CHMP1A: variants seen among roughly 807,000 people sequenced by gnomAD.
The protein encoded by CHMP1A is charged multivesicular body protein 1A.
CHMP1A carries 17 observed loss-of-function variants against 27.0 expected under a neutral mutation model. The ratio of observed to expected loss-of-function variants is 0.63; its 90% CI spans 0.43 to 0.95. CHMP1A has a LOEUF of 0.95. Among genes scored for constraint, CHMP1A ranks in the 40% least tolerant of loss-of-function variants. CHMP1A has a pLI of 0.00. For missense variants in CHMP1A, 275 were observed against 264.0 expected, an observed-to-expected ratio of 1.04 and a Z score of -0.29; for synonymous variants, 131 against 107.5, an observed-to-expected ratio of 1.22 and a Z score of -1.35.
At chr16:89,651,254 G>A (rs1377507736) in intron 3 of CHMP1A, among the ~76,000 whole-genome samples, 1 of 151,934 alleles carries the variant, frequency 6.6e-6, no homozygotes, top group Non-Finnish European at 1.5e-5. Context: ...GCCTGTAATC[G>A]CAGCTACGTG....
intron 6 of CHMP1A, 68 bp from the exon 7 acceptor site, chr16:89,646,155 G>A: frequency 7.0e-7 from 1 of 1,419,812 alleles, no homozygotes; most frequent in Non-Finnish European, 9.5e-7. Flanking sequence ...CGTGCTCCCA[G>A]CACAGGTGAC....
intron 6 of CHMP1A, among the ~76,000 whole-genome samples, 161 bp from the exon 7 acceptor site, chr16:89,646,248 G>A (rs1327998206): frequency 6.6e-6 from 1 of 152,218 alleles, no homozygotes; most frequent in Non-Finnish European, 1.5e-5. Flanking sequence ...TACCTGATCT[G>A]TTAGGAAGGG....
At chr16:89,651,521 A>C in intron 3 of CHMP1A, 48 bp downstream of exon 3, 1 of 1,579,066 alleles carries the variant, frequency 6.3e-7, no homozygotes, top group African/African-American at 1.3e-5. Flanking sequence ...AGAAAAGGAC[A>C]GAAGACAAAC....
At chr16:89,649,633 T>C in intron 3 of CHMP1A, 136 bp from the exon 4 acceptor site, 2 of 1,020,324 alleles carry the variant, frequency 2.0e-6, no homozygotes, top group Admixed American at 2.4e-5. Flanking sequence ...TGGAGTGCAG[T>C]GGCACGATCT....
At position 89,657,675 on chromosome 16, in the gene CHMP1A, C is replaced by T. The variant is rs1003731873; in HGVS notation, c.-87G>A. ...AGGTCCCGGCGGCGATCGAACCGAC[C>T]AAGCTGCACCCGGCGGGGACTTCCG... On this transcript the variant is annotated 5_prime_UTR_variant, in exon 1 of 7. Coordinates refer to ENST00000397901, the MANE Select transcript of CHMP1A (RefSeq NM_002768.5). The T allele has an allele frequency of 5.8e-6, 9 of 1,560,696 alleles. No homozygotes were observed. The highest frequency in any genetic ancestry group is 2.3e-5 in the East Asian group (1 of 42,996).
chr16:89,647,408 A>C, intron 4 of CHMP1A, 77 bp from the exon 5 acceptor site: 1 of 1,420,086 alleles, frequency 7.0e-7, no homozygotes, highest in Non-Finnish European at 9.6e-7. Flanking sequence ...GGTCCCCTGG[A>C]CTCTGACAGG....
At chr16:89,649,624 G>A (rs556800236) in intron 3 of CHMP1A, 127 bp from the exon 4 acceptor site, 25 of 1,097,822 alleles carry the variant, frequency 2.3e-5, no homozygotes, top group Admixed American at 1.2e-4. Context: ...TGCCCAGGCT[G>A]GAGTGCAGTG....
intron 2 of CHMP1A, among the ~76,000 whole-genome samples, chr16:89,653,338 G>A (rs2059839529): frequency 7.0e-6 from 1 of 142,602 alleles, no homozygotes; most frequent in South Asian, 2.5e-4. Context: ...ATAACACTCC[G>A]GGCCAGGCAC....
intron 5 of CHMP1A, 23 bp downstream of exon 5, chr16:89,647,180 C>T (rs746074348): frequency 1.0e-5 from 16 of 1,605,868 alleles, no homozygotes; most frequent in East Asian, 2.2e-5. Context: ...CAGGCCACAG[C>T]CCCAAGGGTA....
At chr16:89,654,190 C>T (rs1399414347) in intron 1 of CHMP1A, among the ~76,000 whole-genome samples, 1 of 152,200 alleles carries the variant, frequency 6.6e-6, no homozygotes, top group Non-Finnish European at 1.5e-5. Context: ...AGGGTGGTAC[C>T]AGCCAATCTC....
chr16:89,652,455 C>A (rs965289546), intron 2 of CHMP1A, among the ~76,000 whole-genome samples: 7 of 148,014 alleles, frequency 4.7e-5, no homozygotes, highest in Non-Finnish European at 9.0e-5. Flanking sequence ...CCTCTGGCAA[C>A]CCATCTGGAA....
intron 1 of CHMP1A, among the ~76,000 whole-genome samples, chr16:89,656,865 G>A (rs1468854133): frequency 1.3e-5 from 2 of 150,906 alleles, no homozygotes; most frequent in South Asian, 4.2e-4. Flanking sequence ...GCCTGACGCT[G>A]AGGAGTGCCA....
In CHMP1A at chr16:89,647,687, TGG is replaced by T. The variant is rs1337686229; in HGVS notation, c.253-358_253-357del. ...GTCGGTGGAGAAAAGGCCGCCGACG[TGG>T]GGACCCAGCGCGGGGTCGGTGGAGA... On this transcript the variant is annotated intron_variant, in intron 4 of 6. Transcript: ENST00000397901. Among the ~76,000 whole-genome samples the T allele has an allele frequency of 4.6e-4, 6 of 13,036 alleles. 1 individual carries two copies. The highest frequency in any genetic ancestry group is 1.3e-3 in the African/African-American group (6 of 4,504). 8.6% of individuals were successfully genotyped at this position (13,036 alleles called of 152,430 possible). A position where few individuals can be genotyped will look rare whatever the true frequency, so the allele number is the denominator to read the frequency against.
chr16:89,646,758 C>T (rs758106843), intron 5 of CHMP1A, 44 bp from the exon 6 acceptor site: 3 of 1,580,780 alleles, frequency 1.9e-6, no homozygotes, highest in African/African-American at 1.3e-5. Flanking sequence ...GGGCCAGGCC[C>T]ATGGGGCCCC....
At chr16:89,650,920 C>G (rs1056525333) in intron 3 of CHMP1A, among the ~76,000 whole-genome samples, 3 of 152,200 alleles carry the variant, frequency 2.0e-5, no homozygotes, top group African/African-American at 7.2e-5. Context: ...GAAGGCAATG[C>G]ACTCATCTCT....
intron 4 of CHMP1A, among the ~76,000 whole-genome samples, chr16:89,648,717 T>C (rs925006094): frequency 3.2e-5 from 4 of 126,842 alleles, no homozygotes; most frequent in African/African-American, 9.4e-5. Flanking sequence ...ATAGACACCC[T>C]GTCTCTACAT....
At chr16:89,655,600 G>C (rs2059858717) in intron 1 of CHMP1A, among the ~76,000 whole-genome samples, 1 of 152,016 alleles carries the variant, frequency 6.6e-6, no homozygotes, top group Admixed American at 6.6e-5. Flanking sequence ...AAAGAGTTGA[G>C]TGAGCTGTGG....
chr16:89,651,266 G>A (rs2059821123), intron 3 of CHMP1A, among the ~76,000 whole-genome samples: 1 of 151,892 alleles, frequency 6.6e-6, no homozygotes, highest in South Asian at 2.1e-4. Flanking sequence ...AGCTACGTGT[G>A]AGGCGAAGGC....
At chr16:89,650,763 A>G (rs1027632539) in intron 3 of CHMP1A, among the ~76,000 whole-genome samples, 1 of 151,056 alleles carries the variant, frequency 6.6e-6, no homozygotes, top group Non-Finnish European at 1.5e-5. Context: ...CCGAGACCGC[A>G]CCTCTGCACT....
Sources: gnomAD v4.1 joint callset for allele counts (sites outside exome capture counted in the v4.1 genomes callset) on GRCh38, gnomAD v4.1.1 for gene constraint, MANE v1.5 for transcripts, NCBI Gene and HGNC (gene_info 2026-07-23, HGNC 2026-07-21) for gene names.